The following TTC28 variants were observed in gnomAD, a reference collection of about 807,000 sequenced individuals.
TTC28 encodes the protein tetratricopeptide repeat domain 28, also known as tetratricopeptide repeat protein 28.
TTC28 carries 61 observed loss-of-function variants against 198.0 expected under a neutral mutation model. The observed-to-expected ratio is 0.31, with a 90% CI of 0.25 to 0.38. The LOEUF (loss-of-function observed/expected upper bound fraction) is 0.38. Ranked by LOEUF, TTC28 falls within the 10% of genes least tolerant of loss-of-function variation. The pLI, the probability that TTC28 is intolerant of heterozygous loss-of-function variation, is 1.00. For synonymous variants in TTC28, 1,171 were observed against 1,297.8 expected (o/e 0.90, Z 2.10); for missense variants, 2,678 against 3,164.0 (o/e 0.85, Z 3.69).
At chr22:28,333,973 G>A (rs543560462) in intron 2 of TTC28, among the ~76,000 whole-genome samples, 6 of 151,536 alleles carry the variant, frequency 4.0e-5, no homozygotes, top group Non-Finnish European at 8.8e-5. Context: ...TTAATATTAG[G>A]CATATCTCCT....
intron 1 of TTC28, among the ~76,000 whole-genome samples, chr22:28,647,832 C>A (rs969327035): frequency 4.6e-5 from 7 of 150,578 alleles, no homozygotes; most frequent in Non-Finnish European, 5.9e-5. Flanking sequence ...GAGTGAGACT[C>A]CCTCTCAAAA....
intron 6 of TTC28, among the ~76,000 whole-genome samples, chr22:28,154,769 T>C (rs1943714177): frequency 6.6e-6 from 1 of 152,218 alleles, no homozygotes. Flanking sequence ...AGACTTTAAA[T>C]CATTTTAAAT....
Position 28,099,056 on chromosome 22 carries a change from G to A in TTC28, c.3418-12C>T. Reference sequence around the variant, plus strand: ...GATGCCCTATAAAGCTGCAAGGAGGGAGGAAGAACATCATCCATTCCCCAG... The same window carrying A: ...GATGCCCTATAAAGCTGCAAGGAGGAAGGAAGAACATCATCCATTCCCCAG... On this transcript the variant is annotated splice_polypyrimidine_tract_variant and intron_variant, in intron 9 of 22. Transcript: ENST00000397906. 6.4e-7 allele frequency: 1 copy of A among 1,551,844 alleles called. No homozygotes were observed.
intron 5 of TTC28, among the ~76,000 whole-genome samples, chr22:28,188,498 A>T (rs527960877): frequency 1.3e-5 from 2 of 152,324 alleles, no homozygotes; most frequent in Admixed American, 1.3e-4. Context: ...ATAAACTTAT[A>T]TAAAAAGCAA....
intron 6 of TTC28, among the ~76,000 whole-genome samples, chr22:28,155,797 T>A (rs1943736325): frequency 6.6e-6 from 1 of 152,178 alleles, no homozygotes; most frequent in African/African-American, 2.4e-5. Context: ...CAGCCTTCAT[T>A]TAGGGTGAGG....
chr22:28,336,110 T>G (rs2045712461), intron 2 of TTC28, among the ~76,000 whole-genome samples: 1 of 152,236 alleles, frequency 6.6e-6, no homozygotes, highest in African/African-American at 2.4e-5. Context: ...GTGGTTTTTG[T>G]CATTGCTTCT....
intron 2 of TTC28, among the ~76,000 whole-genome samples, chr22:28,392,083 C>T (rs1044342767): frequency 2.0e-4 from 31 of 152,150 alleles, no homozygotes; most frequent in African/African-American, 7.5e-4. Flanking sequence ...AGCTGCAGGT[C>T]TGTTGGAGTA....
chr22:28,238,691 T>C (rs1010037313), intron 5 of TTC28, among the ~76,000 whole-genome samples: 1 of 152,172 alleles, frequency 6.6e-6, no homozygotes, highest in Admixed American at 6.5e-5. Context: ...CAACAAGGTC[T>C]TTCCATCTGG....
chr22:28,101,950 T>C (rs1942169443), intron 8 of TTC28, among the ~76,000 whole-genome samples: 2 of 152,170 alleles, frequency 1.3e-5, no homozygotes, highest in African/African-American at 4.8e-5. Context: ...GCCCAGGTGA[T>C]GGCTATCAGC....
At chr22:28,164,140 G>A (rs1482392781) in intron 5 of TTC28, among the ~76,000 whole-genome samples, 2 of 152,210 alleles carry the variant, frequency 1.3e-5, no homozygotes, top group Non-Finnish European at 2.9e-5. Flanking sequence ...TAAACAAAGT[G>A]GCCAGGAAGC....
rs754700795 is a variant in TTC28 at position 28,243,174 on chromosome 22, C to CAAAAAAAAAAAAAAAAAAAA, written c.933+53004_933+53023dup. Among the ~76,000 whole-genome samples, 32 of 68,328 alleles carry CAAAAAAAAAAAAAAAAAAAA rather than the reference C, an allele frequency of 4.7e-4. 3 individuals are homozygous for CAAAAAAAAAAAAAAAAAAAA. The highest frequency in any genetic ancestry group is 6.2e-4 in the East Asian group (1 of 1,612). 44.8% of individuals were successfully genotyped at this position (68,328 alleles called of 152,430 possible). ...GCAACCTGGCAAAACCCCCTCTCTA[C>CAAAAAAAAAAAAAAAAAAAA]AAAAAAAAAAAAAAAAAAAAAAAAA... On this transcript the variant is annotated intron_variant, in intron 5 of 22. Transcript: ENST00000397906.
chr22:28,286,065 T>G (rs1321115802), intron 5 of TTC28, among the ~76,000 whole-genome samples: 1 of 151,986 alleles, frequency 6.6e-6, no homozygotes, highest in Non-Finnish European at 1.5e-5. Context: ...AGTGGCGTGA[T>G]CTCGGCTCAC....
intron 6 of TTC28, among the ~76,000 whole-genome samples, chr22:28,112,638 C>T (rs1374344738): frequency 6.6e-6 from 1 of 152,208 alleles, no homozygotes; most frequent in African/African-American, 2.4e-5. Flanking sequence ...GGCAGCCTTT[C>T]TCTTTGTTGA....
chr22:27,992,914 G>A (rs2146524953), intron 18 of TTC28: 1 of 554,502 alleles, frequency 1.8e-6, no homozygotes, highest in Middle Eastern at 4.8e-4. Flanking sequence ...CCAGGACCCA[G>A]GCAGCACCAC....
intron 5 of TTC28, among the ~76,000 whole-genome samples, chr22:28,167,641 C>T (rs559074529): frequency 7.9e-5 from 12 of 152,336 alleles, no homozygotes; most frequent in African/African-American, 2.6e-4. Flanking sequence ...TAAAATCTCT[C>T]TATAAATTAG....
chr22:28,341,566 T>C (rs1601658673), intron 2 of TTC28, among the ~76,000 whole-genome samples: 1 of 151,864 alleles, frequency 6.6e-6, no homozygotes, highest in African/African-American at 2.4e-5. Context: ...CCGAGGCAGG[T>C]GGATCACTTG....
intron 12 of TTC28, among the ~76,000 whole-genome samples, chr22:28,091,853 G>A (rs577956548): frequency 1.6e-4 from 24 of 152,326 alleles, no homozygotes; most frequent in Admixed American, 1.4e-3. Context: ...ATGCTTAAAT[G>A]AAAATGTCGG....
At chr22:28,292,034 CATGTAATTGTT>C (rs1260278556) in intron 5 of TTC28, among the ~76,000 whole-genome samples, 1 of 151,622 alleles carries the variant, frequency 6.6e-6, no homozygotes, top group African/African-American at 2.4e-5. Flanking sequence ...TAGTTATTTT[CATGTAATTGTT>C]ATGTAATTGG....
chr22:28,124,272 A>G (rs1348735458), intron 6 of TTC28, among the ~76,000 whole-genome samples: 1 of 152,128 alleles, frequency 6.6e-6, no homozygotes, highest in East Asian at 1.9e-4. Context: ...TACCCAAAAC[A>G]AAGTATGTGG....
Sources: allele counts gnomAD v4.1 joint callset (sites outside exome capture counted in the v4.1 genomes callset), GRCh38; gene constraint gnomAD v4.1.1; transcripts MANE v1.5; gene names NCBI Gene and HGNC (gene_info 2026-07-23, HGNC 2026-07-21).